The following LUZP1 variants were observed in gnomAD, a reference collection of about 807,000 sequenced individuals.
LUZP1 encodes filamin mechanobinding actin cross-linking protein.
A neutral mutation model predicts 71.3 loss-of-function variants in LUZP1; 25 were observed. The observed-to-expected ratio is 0.35, with a 90% CI of 0.26 to 0.49. LUZP1 has a LOEUF of 0.49. Ranked by LOEUF, LUZP1 falls within the 20% of genes least tolerant of loss-of-function variation. The pLI, the probability that LUZP1 is intolerant of heterozygous loss-of-function variation, is 0.99. For synonymous variants in LUZP1, 481 were observed against 506.4 expected (o/e 0.95, Z 0.67); for missense variants, 1,142 against 1,300.8 (o/e 0.88, Z 1.88).
intron 2 of LUZP1, among the ~76,000 whole-genome samples, chr1:23,150,965 AG>A (rs1254845292): frequency 1.3e-5 from 2 of 152,188 alleles, no homozygotes; most frequent in East Asian, 3.8e-4. Flanking sequence ...AAGGCATAGG[AG>A]GGACATTCCC....
At chr1:23,105,545 T>TA (rs1186210818) in intron 3 of LUZP1, among the ~76,000 whole-genome samples, 1 of 152,198 alleles carries the variant, frequency 6.6e-6, no homozygotes, top group Non-Finnish European at 1.5e-5. Flanking sequence ...TATGTGTAAA[T>TA]AAGTTAATGC....
chr1:23,100,130 ATTC>A (rs1421896764), intron 3 of LUZP1, among the ~76,000 whole-genome samples: 3 of 152,132 alleles, frequency 2.0e-5, no homozygotes, highest in African/African-American at 4.8e-5. Context: ...TATTTACTCA[ATTC>A]TTCTCTCCAA....
chr1:23,142,490 C>T (rs1467279051), intron 2 of LUZP1, among the ~76,000 whole-genome samples: 1 of 151,996 alleles, frequency 6.6e-6, no homozygotes, highest in Non-Finnish European at 1.5e-5. Context: ...GAGGAAGGAG[C>T]TGCCAGTCCC....
chr1:23,136,226 G>A (rs1460725041), intron 2 of LUZP1, among the ~76,000 whole-genome samples: 1 of 151,668 alleles, frequency 6.6e-6, no homozygotes, highest in Non-Finnish European at 1.5e-5. Context: ...AACAGACAGG[G>A]CCAGGCGCAG....
chr1:23,137,135 T>G (rs1187057780), intron 2 of LUZP1, among the ~76,000 whole-genome samples: 1 of 152,092 alleles, frequency 6.6e-6, no homozygotes, highest in East Asian at 1.9e-4. Flanking sequence ...AAAACCCACA[T>G]AGAAAGTATT....
intron 2 of LUZP1, among the ~76,000 whole-genome samples, chr1:23,117,775 C>G (rs1644097178): frequency 6.6e-6 from 1 of 152,020 alleles, no homozygotes; most frequent in Non-Finnish European, 1.5e-5. Flanking sequence ...CAACATGTCT[C>G]ACGTCAAAGT....
At chr1:23,136,996 C>T (rs1644259974) in intron 2 of LUZP1, among the ~76,000 whole-genome samples, 1 of 152,216 alleles carries the variant, frequency 6.6e-6, no homozygotes, top group Non-Finnish European at 1.5e-5. Context: ...TCTAGAACTG[C>T]ATAACAACAA....
intron 3 of LUZP1, among the ~76,000 whole-genome samples, chr1:23,105,762 A>G (rs1643975974): frequency 6.6e-6 from 1 of 152,240 alleles, no homozygotes; most frequent in African/African-American, 2.4e-5. Flanking sequence ...GTTCAAAAAC[A>G]AAATATAACC....
intron 1 of LUZP1, among the ~76,000 whole-genome samples, chr1:23,173,907 A>G (rs571712551): frequency 1.4e-4 from 21 of 152,294 alleles, no homozygotes; most frequent in African/African-American, 4.8e-4. Flanking sequence ...TTTCAATGCT[A>G]GAAGCCAAAA....
exon 5 of LUZP1, chr1:23,088,877 A>C: frequency 6.2e-7 from 1 of 1,612,246 alleles, no homozygotes; most frequent in Non-Finnish European, 8.5e-7. Flanking sequence ...GAGGGCAGAC[A>C]ACAGACACCC....
intron 2 of LUZP1, among the ~76,000 whole-genome samples, chr1:23,113,866 G>A (rs371265680): frequency 1.2e-4 from 18 of 148,976 alleles, no homozygotes; most frequent in African/African-American, 4.0e-4. Context: ...GCGACAGAAC[G>A]AGACTCCGTC....
At chr1:23,091,969 C>T in exon 4 of LUZP1, 1 of 1,614,146 alleles carries the variant, frequency 6.2e-7, no homozygotes, top group South Asian at 1.1e-5. Context: ...ATTTTTTTCA[C>T]ATCCTTATCA....
chr1:23,130,933 G>A (rs1644210250), intron 2 of LUZP1, among the ~76,000 whole-genome samples: 1 of 151,874 alleles, frequency 6.6e-6, no homozygotes, highest in Admixed American at 6.6e-5. Flanking sequence ...CTTTCTACCT[G>A]GGGGTTGGGC....
rs16828001 is a variant in LUZP1, at chr1:23,119,779, A to G, written c.-225-10652T>C. On this transcript the variant is annotated intron_variant, in intron 2 of 4. Coordinates refer to ENST00000302291, the Ensembl canonical transcript of LUZP1. ...TTCAATGGCCAAACTACTGAAAATT[A>G]TAAGTGCCTATACTTACGAAGACTC... 6.9e-3 allele frequency among the ~76,000 whole-genome samples: 1,046 copies of G among 152,356 alleles called. 34 individuals are homozygous for G. Among genetic ancestry groups the G allele is most frequent in the East Asian group, 0.065 (339 of 5,182 alleles).
At chr1:23,151,567 C>T (rs1644383941) in intron 2 of LUZP1, among the ~76,000 whole-genome samples, 1 of 152,182 alleles carries the variant, frequency 6.6e-6, no homozygotes, top group African/African-American at 2.4e-5. Context: ...CTAACTCTCC[C>T]GGTTCCCCCA....
At chr1:23,132,112 A>G (rs537894397) in intron 2 of LUZP1, among the ~76,000 whole-genome samples, 1 of 152,318 alleles carries the variant, frequency 6.6e-6, no homozygotes, top group African/African-American at 2.4e-5. Flanking sequence ...ATCACCAAAT[A>G]ACTGCTCAAC....
At position 23,091,181 on chromosome 1, in the gene LUZP1, G is replaced by A. The variant is rs1356222713; in HGVS notation, c.3072+9C>T. 4 of 1,593,074 alleles carry A rather than the reference G, an allele frequency of 2.5e-6. No homozygotes were observed. The highest frequency in any genetic ancestry group is 2.6e-6 in the Non-Finnish European group (3 of 1,169,870). On this transcript the variant is annotated intron_variant, in intron 4 of 4. Transcript: ENST00000302291. ...AGAAAAGAGAGAGGGGAGAGAGGCT[G>A]GAACTCACCATGCTTGCTGAGTGGT...
intron 2 of LUZP1, among the ~76,000 whole-genome samples, chr1:23,165,907 T>C (rs1250742657): frequency 6.6e-6 from 1 of 152,048 alleles, no homozygotes; most frequent in Non-Finnish European, 1.5e-5. Context: ...CAACTTCCAT[T>C]ACATAAATGA....
chr1:23,097,850 T>TA (rs1237292058), intron 3 of LUZP1, among the ~76,000 whole-genome samples: 2 of 151,994 alleles, frequency 1.3e-5, no homozygotes, highest in Admixed American at 6.6e-5. Flanking sequence ...TCTAAATAAA[T>TA]AAGCAGATAG....
Sources: allele counts gnomAD v4.1 joint callset (sites outside exome capture counted in the v4.1 genomes callset), GRCh38; gene constraint gnomAD v4.1.1; transcripts MANE v1.5; gene names NCBI Gene and HGNC (gene_info 2026-07-23, HGNC 2026-07-21).